Variants in CNTN5 observed in about 807,000 individuals in gnomAD.
The protein encoded by CNTN5 is contactin 5.
CNTN5 carries 77 observed loss-of-function variants against 129.1 expected under a neutral mutation model. The ratio of observed to expected loss-of-function variants is 0.60; its 90% CI spans 0.50 to 0.72. CNTN5 has a LOEUF of 0.72. CNTN5 is among the 30% of genes least tolerant of loss of function. The pLI, the probability that CNTN5 is intolerant of heterozygous loss-of-function variation, is 0.00. For synonymous variants in CNTN5, 509 were observed against 465.6 expected (o/e 1.09, Z -1.20); for missense variants, 1,478 against 1,328.8 (o/e 1.11, Z -1.75).
At chr11:99,876,626 C>T (rs1948639675) in intron 6 of CNTN5, among the ~76,000 whole-genome samples, 1 of 152,138 alleles carries the variant, frequency 6.6e-6, no homozygotes, top group South Asian at 2.1e-4. Flanking sequence ...AATAAATGAT[C>T]TTTCAGAGAC....
intron 16 of CNTN5, among the ~76,000 whole-genome samples, chr11:100,248,266 G>T (rs775783932): frequency 1.3e-5 from 2 of 152,132 alleles, no homozygotes; most frequent in African/African-American, 4.8e-5. Context: ...AACAACAGGG[G>T]TCAGGTAGGG....
intron 2 of CNTN5, among the ~76,000 whole-genome samples, chr11:99,409,182 C>T (rs1453313533): frequency 1.3e-5 from 2 of 152,062 alleles, no homozygotes; most frequent in African/African-American, 2.4e-5. Context: ...AAGGCACTGC[C>T]GGCCAGGCAC....
At chr11:100,073,154 C>G (rs1195176584) in intron 12 of CNTN5, among the ~76,000 whole-genome samples, 1 of 152,028 alleles carries the variant, frequency 6.6e-6, no homozygotes, top group Non-Finnish European at 1.5e-5. Flanking sequence ...TCAAGCGATT[C>G]TCTTGCCTCA....
In CNTN5 at chr11:100,106,303, C is replaced by A. The variant is rs191634149; in HGVS notation, c.1580+32009C>A. On this transcript the variant is annotated intron_variant, in intron 13 of 24. Transcript: ENST00000524871. ...AAATGGCACAGCAAGTTATAAAATGCATTCTTAACCGGCATATGATATCTA... is the reference window on the plus strand; with the variant it reads ...AAATGGCACAGCAAGTTATAAAATGAATTCTTAACCGGCATATGATATCTA... Among the ~76,000 whole-genome samples, 3 of 152,272 alleles carry A rather than the reference C, an allele frequency of 2.0e-5. No individual in the cohort carries two copies. The East Asian group carries it at 5.8e-4, about 29-fold the overall frequency.
intron 6 of CNTN5, among the ~76,000 whole-genome samples, chr11:99,913,586 A>G (rs930409546): frequency 2.0e-5 from 3 of 152,096 alleles, no homozygotes; most frequent in Non-Finnish European, 4.4e-5. Context: ...AGCTGGTACA[A>G]AATAAAGCAA....
chr11:99,462,821 A>T (rs1226754999), intron 2 of CNTN5, among the ~76,000 whole-genome samples: 5 of 152,174 alleles, frequency 3.3e-5, no homozygotes, highest in African/African-American at 1.2e-4. Context: ...ACGACGGCTC[A>T]TGCCTGTAAT....
intron 2 of CNTN5, among the ~76,000 whole-genome samples, chr11:99,524,280 A>T (rs1947401949): frequency 1.3e-5 from 2 of 152,190 alleles, no homozygotes; most frequent in South Asian, 4.1e-4. Context: ...ATTTCTGATT[A>T]TACAAGTTTG....
chr11:100,155,564 G>A (rs1366536112), intron 13 of CNTN5, among the ~76,000 whole-genome samples: 2 of 151,984 alleles, frequency 1.3e-5, no homozygotes, highest in Admixed American at 6.6e-5. Flanking sequence ...AAGAAAGTCA[G>A]TGGTAGCTTG....
At position 99,486,173 on chromosome 11, in the gene CNTN5, G is replaced by T. The variant is rs749911714; in HGVS notation, c.-70-69972G>T. 3.9e-5 allele frequency among the ~76,000 whole-genome samples: 6 copies of T among 151,972 alleles called. No individual in the cohort carries two copies. In the South Asian group the frequency reaches 6.2e-4, roughly 16 times the overall value. On this transcript the variant is annotated intron_variant, in intron 2 of 24. Transcript: ENST00000524871. ...TCAGTTAATAGTATTTGTTTAAAAT[G>T]CCTGCTTTAATCTTTTTCAGATATG...
chr11:99,802,016 T>C (rs1200850313), intron 3 of CNTN5, among the ~76,000 whole-genome samples: 1 of 152,244 alleles, frequency 6.6e-6, no homozygotes, highest in East Asian at 1.9e-4. Flanking sequence ...CTAATATTTG[T>C]AATTTGTGCA....
chr11:99,931,681 C>T (rs1950196050), intron 7 of CNTN5, among the ~76,000 whole-genome samples: 2 of 152,164 alleles, frequency 1.3e-5, no homozygotes, highest in African/African-American at 4.8e-5. Flanking sequence ...TTCCATGTTA[C>T]GTTCATTTGG....
intron 21 of CNTN5, among the ~76,000 whole-genome samples, chr11:100,315,241 C>T (rs187186786): frequency 9.2e-5 from 14 of 152,282 alleles, no homozygotes; most frequent in Non-Finnish European, 1.5e-4. Context: ...TGGCCTTTCG[C>T]AAGGAAGCTT....
chr11:99,445,847 G>A (rs888305879), intron 2 of CNTN5, among the ~76,000 whole-genome samples: 1 of 152,056 alleles, frequency 6.6e-6, no homozygotes, highest in Non-Finnish European at 1.5e-5. Flanking sequence ...ACTTTGGGAG[G>A]CCGAGGCAGG....
intron 13 of CNTN5, among the ~76,000 whole-genome samples, chr11:100,155,133 C>A (rs1947195841): frequency 6.6e-6 from 1 of 152,232 alleles, no homozygotes; most frequent in East Asian, 1.9e-4. Context: ...AGGTTGTCTT[C>A]TAGGGTTTTC....
At chr11:99,282,526 T>C (rs1157504441) in intron 1 of CNTN5, among the ~76,000 whole-genome samples, 1 of 151,992 alleles carries the variant, frequency 6.6e-6, no homozygotes, top group African/African-American at 2.4e-5. Flanking sequence ...TAGAGAGAAG[T>C]AAAGAAATGA....
chr11:100,131,421 T>C (rs940984372), intron 13 of CNTN5, among the ~76,000 whole-genome samples: 1 of 152,038 alleles, frequency 6.6e-6, no homozygotes. Context: ...GAAGAATGAT[T>C]CCAGGATGGA....
chr11:99,474,754 T>C (rs1279593957), intron 2 of CNTN5, among the ~76,000 whole-genome samples: 1 of 152,184 alleles, frequency 6.6e-6, no homozygotes, highest in Non-Finnish European at 1.5e-5. Flanking sequence ...TAAAAGTTTC[T>C]AATTAAATCT....
At chr11:99,879,982 A>G (rs935970839) in intron 6 of CNTN5, among the ~76,000 whole-genome samples, 4 of 152,184 alleles carry the variant, frequency 2.6e-5, no homozygotes, top group Non-Finnish European at 4.4e-5. Context: ...AACAAAATTC[A>G]TTGCAGTCTG....
At chr11:100,101,935 C>A (rs1945237619) in intron 13 of CNTN5, among the ~76,000 whole-genome samples, 1 of 152,094 alleles carries the variant, frequency 6.6e-6, no homozygotes, top group Admixed American at 6.6e-5. Context: ...TGAGTAATAT[C>A]AGTGGTGTAA....
Sources: allele counts gnomAD v4.1 joint callset (sites outside exome capture counted in the v4.1 genomes callset), GRCh38; gene constraint gnomAD v4.1.1; transcripts MANE v1.5; gene names NCBI Gene and HGNC (gene_info 2026-07-23, HGNC 2026-07-21).